Variants in ZNF786 observed in about 807,000 individuals in gnomAD.
ZNF786 encodes the protein zinc finger protein 786.
A neutral mutation model predicts 63.1 loss-of-function variants in ZNF786; 56 were observed. The ratio of observed to expected loss-of-function variants is 0.89; its 90% confidence interval spans 0.72 to 1.11. The LOEUF is 1.11. Ranked by LOEUF, ZNF786 falls within the 50% of genes least tolerant of loss-of-function variation. The pLI is 0.00. For missense variants in ZNF786, 1,213 were observed against 1,041.8 expected (o/e 1.16, Z -2.26); for synonymous variants, 485 against 406.9 (o/e 1.19, Z -2.31).
At chr7:149,072,652 C>G (rs1165061793) in intron 3 of ZNF786, among the ~76,000 whole-genome samples, 179 bp from the exon 4 acceptor site, 1 of 152,108 alleles carries the variant, frequency 6.6e-6, no homozygotes, top group Non-Finnish European at 1.5e-5. Flanking sequence ...TCTGCTGAAA[C>G]TAAACTGAAC....
At chr7:149,085,828 C>T (rs567566215) in intron 1 of ZNF786, among the ~76,000 whole-genome samples, 7 of 152,198 alleles carry the variant, frequency 4.6e-5, no homozygotes, top group African/African-American at 9.6e-5. Context: ...CTGTATTCCT[C>T]GGCATTTTTG....
chr7:149,085,842 A>G (rs1341385846), intron 1 of ZNF786, among the ~76,000 whole-genome samples: 2 of 152,138 alleles, frequency 1.3e-5, no homozygotes, highest in East Asian at 1.9e-4. Context: ...ATTTTTGACT[A>G]GATGTGAATG....
intron 1 of ZNF786, among the ~76,000 whole-genome samples, chr7:149,084,103 G>A (rs1197999006): frequency 6.6e-6 from 1 of 152,180 alleles, no homozygotes; most frequent in South Asian, 2.1e-4. Flanking sequence ...GCTCACGCCT[G>A]TAATACCAGC....
chr7:149,081,344 G>A (rs983151338), intron 1 of ZNF786: 3 of 345,666 alleles, frequency 8.7e-6, no homozygotes, highest in Non-Finnish European at 1.7e-5. Flanking sequence ...GCTGAGGCAG[G>A]AGAATTGCTT....
intron 1 of ZNF786, among the ~76,000 whole-genome samples, chr7:149,081,434 T>TAA (rs1207061191): frequency 2.0e-5 from 1 of 50,444 alleles, no homozygotes; most frequent in Non-Finnish European, 3.3e-5. Context: ...AGACTCGGTC[T>TAA]CAAAAAAAAA....
chr7:149,075,352 C>T (rs1055930018), intron 2 of ZNF786, among the ~76,000 whole-genome samples: 8 of 152,068 alleles, frequency 5.3e-5, no homozygotes, highest in African/African-American at 1.4e-4. Context: ...CAGTGATCTG[C>T]CCACCTCAGC....
At chr7:149,081,402 C>G (rs1825649982) in intron 1 of ZNF786, among the ~76,000 whole-genome samples, 1 of 126,646 alleles carries the variant, frequency 7.9e-6, no homozygotes, top group Non-Finnish European at 1.6e-5. Context: ...CGCCACCGCA[C>G]TACAGCCTGG....
rs1372401647 is a variant in ZNF786, at chr7:149,090,651, G to A, written c.-11C>T. The A allele has an allele frequency of 6.3e-7, 1 of 1,585,628 alleles. No homozygotes were observed. The highest frequency in any genetic ancestry group is 8.6e-7 in the Non-Finnish European group (1 of 1,165,088). ...AGGCGGCTCCGCCATGGTCCCCGCG[G>A]TCCCGCCCGGCCCTGGCAAACCCGA... is the stretch of plus-strand genomic sequence containing the variant. On this transcript the variant is annotated 5_prime_UTR_variant, in exon 1 of 4. Coordinates refer to ENST00000491431, the MANE Select transcript of ZNF786 (RefSeq NM_152411.4).
Position 149,071,919 on chromosome 7 carries a change from T to A in ZNF786, c.853A>T (p.Ser285Cys). Residue 285 changes from serine to cysteine, a missense_variant, in exon 4 of 4, where the codon AGC becomes TGC. Transcript: ENST00000491431. ...TCCCCCTGCTGCGGGAGGCGGTGGCTGGGATGGGTCAGCTCGTGTCGGAAG... is the reference window on the plus strand; with the variant it reads ...TCCCCCTGCTGCGGGAGGCGGTGGCAGGGATGGGTCAGCTCGTGTCGGAAG... ...MCFRHELTHP[S>C]HRLPQQGEKP... The A allele has an allele frequency of 6.2e-7, 1 of 1,606,928 alleles. No homozygotes were observed. Among genetic ancestry groups the A allele is most frequent in the Non-Finnish European group, 8.5e-7 (1 of 1,177,374 alleles).
chr7:149,074,636 G>T (rs878978080), intron 2 of ZNF786, 98 bp from the exon 3 acceptor site: 21 of 1,137,744 alleles, frequency 1.8e-5, no homozygotes, highest in East Asian at 3.1e-5. Context: ...CAAAGTATGA[G>T]AACAACATGT....
intron 1 of ZNF786, among the ~76,000 whole-genome samples, chr7:149,087,913 C>T (rs1223565088): frequency 2.6e-5 from 4 of 151,804 alleles, no homozygotes; most frequent in Non-Finnish European, 5.9e-5. Context: ...CCTTAGCCTC[C>T]CGAGTAGCTA....
intron 2 of ZNF786, among the ~76,000 whole-genome samples, chr7:149,079,901 G>A (rs993405268): frequency 2.0e-5 from 3 of 149,958 alleles, no homozygotes; most frequent in Admixed American, 6.6e-5. Context: ...CAGGCCAGGC[G>A]TAGTGGCTCA....
At chr7:149,073,755 A>ATATATATATATATG (rs1825486832) in intron 3 of ZNF786, among the ~76,000 whole-genome samples, 5 of 72,464 alleles carry the variant, frequency 6.9e-5, no homozygotes, top group Admixed American at 1.9e-4. Context: ...GTGTATATAT[A>ATATATATATATATG]TATATATATA....
intron 3 of ZNF786, among the ~76,000 whole-genome samples, chr7:149,073,055 C>G (rs1049875118): frequency 1.3e-5 from 2 of 152,200 alleles, no homozygotes; most frequent in African/African-American, 4.8e-5. Flanking sequence ...TCTCTAAGAC[C>G]TGGCAGCAAG....
chr7:149,074,648 A>C (rs1228624669), intron 2 of ZNF786, 110 bp from the exon 3 acceptor site: 2 of 492,150 alleles, frequency 4.1e-6, no homozygotes, highest in Admixed American at 1.1e-4. Flanking sequence ...ACAACATGTC[A>C]AAAAAAAAAA....
Position 149,071,991 on chromosome 7 carries a change from C to A in ZNF786, c.781G>T (p.Ala261Ser), listed in dbSNP as rs1296135016. ...CGGAAGGGGCCCCTCCCCGTGTGGG[C>A]CGCCAGATGGCGCAGCAGACACAGC... ...RKLCLLRHLA[A>S]HTGRGPFRNA... The change falls in exon 4 of 4, where the codon GCC (alanine) becomes TCC (serine). Residue 261 changes from alanine to serine, a missense_variant. Ala to Ser is a moderately conservative substitution (Grantham distance 99, BLOSUM62 1). Coordinates refer to ENST00000491431, the MANE Select transcript of ZNF786 (RefSeq NM_152411.4). 1 of 1,612,614 alleles carries A rather than the reference C, an allele frequency of 6.2e-7. No individual in the cohort carries two copies. The highest frequency in any genetic ancestry group is 2.2e-5 in the East Asian group (1 of 44,884).
chr7:149,072,238 G>T lies in ZNF786; in HGVS notation c.534C>A (p.Asp178Glu), dbSNP rs751110544. 1 of 1,613,510 alleles carries T rather than the reference G, an allele frequency of 6.2e-7. No individual in the cohort carries two copies. Among genetic ancestry groups the T allele is most frequent in the South Asian group, 1.1e-5 (1 of 90,976 alleles). Residue 178 changes from aspartate (D) to glutamate (E), a missense_variant, in exon 4 of 4, where the codon GAC becomes GAA. Transcript: ENST00000491431. ...PRNLDLPGLWDVPAWESTQHP... is the reference protein window; with the variant it reads ...PRNLDLPGLWEVPAWESTQHP... ...GCTGGGTGCTCTCCCAGGCGGGGAC[G>T]TCCCACAAACCAGGAAGATCCAGAT...
chr7:149,072,836 A>G (rs997790807), intron 3 of ZNF786, among the ~76,000 whole-genome samples: 2 of 152,238 alleles, frequency 1.3e-5, no homozygotes, highest in African/African-American at 2.4e-5. Flanking sequence ...ACAAAAGTAC[A>G]TAAGATTACT....
At position 149,071,206 on chromosome 7, in the gene ZNF786, GC is replaced by G. The variant is rs1825406871; in HGVS notation, c.1565del (p.Cys522SerfsTer7). On this transcript the variant is annotated frameshift_variant, in exon 4 of 4. Coordinates refer to ENST00000491431, the MANE Select transcript of ZNF786 (RefSeq NM_152411.4). LOFTEE classifies it high-confidence loss of function. ...SECGRGFTHQCKLREHLRVHS... is the reference protein window; with the variant it reads ...SECGRGFTHQXKLREHLRVHS... ...GCACTCTCAGGTGCTCACGGAGCTT[GC>G]ACTGGTGGGTGAAGCCTCTGCCACA... The G allele has an allele frequency of 1.2e-6, 2 of 1,611,084 alleles. No individual in the cohort carries two copies. The highest frequency in any genetic ancestry group is 1.7e-6 in the Non-Finnish European group (2 of 1,178,242).
Sources: gnomAD v4.1 joint callset for allele counts (sites outside exome capture counted in the v4.1 genomes callset) on GRCh38, gnomAD v4.1.1 for gene constraint, MANE v1.5 for transcripts, NCBI Gene and HGNC (gene_info 2026-07-23, HGNC 2026-07-21) for gene names.